The following SS18L2 variants were observed in gnomAD, a reference collection of about 807,000 sequenced individuals.
The protein encoded by SS18L2 is SS18 like 2.
Under a neutral mutation model 10.3 loss-of-function variants are expected in SS18L2, and 8 were observed. The ratio of observed to expected loss-of-function variants is 0.78; its 90% confidence interval spans 0.46 to 1.41. The LOEUF (loss-of-function observed/expected upper bound fraction) is 1.41. Ranked by LOEUF, SS18L2 falls within the 40% of genes most tolerant of loss-of-function variation. The pLI, the probability that SS18L2 is intolerant of heterozygous loss-of-function variation, is 0.00. For synonymous variants in SS18L2, 41 were observed against 34.6 expected (o/e 1.19, Z -0.65); for missense variants, 100 against 96.2 (o/e 1.04, Z -0.17).
At position 42,596,734 on chromosome 3, in the gene SS18L2, C is replaced by T. The variant is rs1169223395; in HGVS notation, c.*2225C>T. 6.6e-6 allele frequency among the ~76,000 whole-genome samples: 1 copy of T among 152,010 alleles called. No individual in the cohort carries two copies. Among genetic ancestry groups the T allele is most frequent in the Non-Finnish European group, 1.5e-5 (1 of 68,002 alleles). On this transcript the variant is annotated 3_prime_UTR_variant, in exon 3 of 3. Transcript: ENST00000011691. Reference sequence around the variant, plus strand: ...AAAATAATCTTTGAGAGAGGCAGAACCTTAGAAAGGAGATATTTTATCTCA... The same window carrying T: ...AAAATAATCTTTGAGAGAGGCAGAATCTTAGAAAGGAGATATTTTATCTCA...
intron 1 of SS18L2, among the ~76,000 whole-genome samples, chr3:42,583,284 G>A (rs1445629817): frequency 6.6e-6 from 1 of 152,240 alleles, no homozygotes; most frequent in Non-Finnish European, 1.5e-5. Context: ...TGGAGCTGGA[G>A]TGTGGACTAG....
At chr3:42,586,522 C>A (rs1704614299), upstream of SS18L2, among the ~76,000 whole-genome samples, 1 of 151,980 alleles carries the variant, frequency 6.6e-6, no homozygotes, top group Non-Finnish European at 1.5e-5. Context: ...TGCACCCACC[C>A]CTTCCTTGAC....
upstream of SS18L2, among the ~76,000 whole-genome samples, chr3:42,589,258 G>T (rs1704729476): frequency 6.6e-6 from 1 of 151,794 alleles, no homozygotes; most frequent in African/African-American, 2.4e-5. Flanking sequence ...GACAGAGCGA[G>T]ACTCTGTCTC....
chr3:42,587,247 C>T (rs1704642785), upstream of SS18L2, among the ~76,000 whole-genome samples: 1 of 152,166 alleles, frequency 6.6e-6, no homozygotes, highest in Non-Finnish European at 1.5e-5. Context: ...CCCATTACTC[C>T]TAGGAGAGTA....
chr3:42,594,534 T>C lies in SS18L2; in HGVS notation c.*25T>C. 6.3e-7 allele frequency: 1 copy of C among 1,597,926 alleles called. No individual in the cohort carries two copies. The highest frequency in any genetic ancestry group is 8.6e-7 in the Non-Finnish European group (1 of 1,166,042). The stretch of plus-strand genomic sequence containing the variant: ...ATCTTTCAAAAGCAATAGAATAATC[T>C]TCCATTTGGCTGTCGTGAGGAGTAA... On this transcript the variant is annotated 3_prime_UTR_variant, in exon 3 of 3. Coordinates refer to ENST00000011691, the MANE Select transcript of SS18L2 (RefSeq NM_001370300.1).
chr3:42,591,098 G>A (rs1200229942), intron 1 of SS18L2, 132 bp downstream of exon 1: 1 of 1,019,282 alleles, frequency 9.8e-7, no homozygotes, highest in Non-Finnish European at 1.5e-6. Context: ...CCGGGGTGCG[G>A]GGTGAGATGG....
At chr3:42,585,636 A>G (rs1295920862) in intron 1 of SS18L2, among the ~76,000 whole-genome samples, 2 of 152,102 alleles carry the variant, frequency 1.3e-5, no homozygotes, top group Non-Finnish European at 2.9e-5. Flanking sequence ...ATTCTTCCCA[A>G]TATACTTATA....
chr3:42,582,267 T>A (rs1275092892), intron 1 of SS18L2: 1 of 152,252 alleles, frequency 6.6e-6, no homozygotes, highest in Non-Finnish European at 1.5e-5. Flanking sequence ...CTAAGCTCGA[T>A]TCCTGCCGGG....
rs1234144382 is a variant in SS18L2 at position 42,596,730 on chromosome 3, A to C, written c.*2221A>C. 6.6e-6 allele frequency among the ~76,000 whole-genome samples: 1 copy of C among 152,252 alleles called. No homozygotes were observed. Among genetic ancestry groups the C allele is most frequent in the Non-Finnish European group, 1.5e-5 (1 of 68,044 alleles). On this transcript the variant is annotated 3_prime_UTR_variant, in exon 3 of 3. Coordinates refer to ENST00000011691, the MANE Select transcript of SS18L2 (RefSeq NM_001370300.1). ...GAATAAAATAATCTTTGAGAGAGGC[A>C]GAACCTTAGAAAGGAGATATTTTAT...
chr3:42,592,871 C>A (rs1329361209), intron 2 of SS18L2, among the ~76,000 whole-genome samples: 1 of 152,084 alleles, frequency 6.6e-6, no homozygotes, highest in Admixed American at 6.5e-5. Context: ...AACTCTACCC[C>A]CCCCACCGTA....
At position 42,591,514 on chromosome 3, in the gene SS18L2, T is replaced by A. The variant is rs2125740350; in HGVS notation, c.70-11T>A. The A allele has an allele frequency of 1.2e-6, 2 of 1,610,666 alleles. No homozygotes were observed. The highest frequency in any genetic ancestry group is 8.5e-7 in the Non-Finnish European group (1 of 1,176,866). On this transcript the variant is annotated splice_polypyrimidine_tract_variant and intron_variant, in intron 1 of 2. Coordinates refer to ENST00000011691, the MANE Select transcript of SS18L2 (RefSeq NM_001370300.1). ...GGCCTGCACTGACCCTTTCTTTCTC[T>A]GATCTTTCAGCTCCTTGAGGAGAAT... is the stretch of plus-strand genomic sequence containing the variant.
chr3:42,585,540 C>T (rs1454906623), intron 1 of SS18L2, among the ~76,000 whole-genome samples: 2 of 152,192 alleles, frequency 1.3e-5, no homozygotes, highest in Non-Finnish European at 2.9e-5. Context: ...TCATTTGTCC[C>T]TCTACTTTGT....
At chr3:42,589,229 A>G (rs896037419), upstream of SS18L2, among the ~76,000 whole-genome samples, 16 of 152,026 alleles carry the variant, frequency 1.1e-4, no homozygotes, top group Non-Finnish European at 1.8e-4. Flanking sequence ...AGATCACACC[A>G]CTGCACTCCA....
chr3:42,595,743 T>C lies in SS18L2; in HGVS notation c.*1234T>C, dbSNP rs1206395569. Among the ~76,000 whole-genome samples the C allele has an allele frequency of 6.6e-6, 1 of 152,230 alleles. No homozygotes were observed. Among genetic ancestry groups the C allele is most frequent in the African/African-American group, 2.4e-5 (1 of 41,458 alleles). ...TTAGAAGCCCAGGTCCCTGCTCCTTTTTTTGGAGTCAAGGGTTGCAACCTA... is the reference window on the plus strand; with the variant it reads ...TTAGAAGCCCAGGTCCCTGCTCCTTCTTTTGGAGTCAAGGGTTGCAACCTA... On this transcript the variant is annotated 3_prime_UTR_variant, in exon 3 of 3. Coordinates refer to ENST00000011691, the MANE Select transcript of SS18L2 (RefSeq NM_001370300.1).
rs971355625 is a variant in SS18L2 at position 42,595,566 on chromosome 3, T to C, written c.*1057T>C. On this transcript the variant is annotated 3_prime_UTR_variant, in exon 3 of 3. Coordinates refer to ENST00000011691, the MANE Select transcript of SS18L2 (RefSeq NM_001370300.1). Reference sequence around the variant, plus strand: ...TCACTTAAATTATGATCCACCCAGCTTTGATGTGGTAATTCATTAGGGATT... The same window carrying C: ...TCACTTAAATTATGATCCACCCAGCCTTGATGTGGTAATTCATTAGGGATT... Among the ~76,000 whole-genome samples the C allele has an allele frequency of 2.0e-5, 3 of 152,224 alleles. No individual in the cohort carries two copies. Among genetic ancestry groups the C allele is most frequent in the African/African-American group, 4.8e-5 (2 of 41,458 alleles).
At chr3:42,593,913 A>C (rs1704948286) in intron 2 of SS18L2, among the ~76,000 whole-genome samples, 1 of 152,112 alleles carries the variant, frequency 6.6e-6, no homozygotes, top group African/African-American at 2.4e-5. Context: ...AGTGTGCCGG[A>C]TATCTTCAAG....
intron 1 of SS18L2, among the ~76,000 whole-genome samples, chr3:42,584,619 A>G (rs577678087): frequency 1.3e-5 from 2 of 152,222 alleles, no homozygotes; most frequent in Non-Finnish European, 2.9e-5. Flanking sequence ...TTACATAGCC[A>G]GAGAAAAATT....
In SS18L2 at chr3:42,596,053, C is replaced by A. The variant is rs9812673; in HGVS notation, c.*1544C>A. 6.6e-6 allele frequency among the ~76,000 whole-genome samples: 1 copy of A among 150,986 alleles called. No individual in the cohort carries two copies. The highest frequency in any genetic ancestry group is 2.4e-5 in the African/African-American group (1 of 41,064). Reference sequence around the variant, plus strand: ...TTTTTGTTTTTGTTTTTTTTTGAGACGGAATCTCGCTCTGTCGGAGTGCAG... The same window carrying A: ...TTTTTGTTTTTGTTTTTTTTTGAGAAGGAATCTCGCTCTGTCGGAGTGCAG... On this transcript the variant is annotated 3_prime_UTR_variant, in exon 3 of 3. Coordinates refer to ENST00000011691, the MANE Select transcript of SS18L2 (RefSeq NM_001370300.1).
At chr3:42,591,626 CT>C (rs1482593202) in intron 2 of SS18L2, 25 bp downstream of exon 2, 2 of 1,561,844 alleles carry the variant, frequency 1.3e-6, no homozygotes, top group Non-Finnish European at 1.8e-6. Context: ...CCCCGCGCCC[CT>C]GACCTGTGGG....
Sources: allele counts gnomAD v4.1 joint callset (sites outside exome capture counted in the v4.1 genomes callset), GRCh38; gene constraint gnomAD v4.1.1; transcripts MANE v1.5; gene names NCBI Gene and HGNC (gene_info 2026-07-23, HGNC 2026-07-21).